Variants in ACOT6 observed in about 807,000 individuals in gnomAD.
ACOT6 encodes acyl-coenzyme A thioesterase 6.
ACOT6 carries 14 observed loss-of-function variants against 12.3 expected under a neutral mutation model. The observed-to-expected ratio is 1.14, with a 90% CI of 0.75 to 1.78. The LOEUF is 1.78. Ranked by LOEUF, ACOT6 falls within the 40% of genes most tolerant of loss-of-function variation. The pLI, the probability that ACOT6 is intolerant of heterozygous loss-of-function variation, is 0.00. For synonymous variants in ACOT6, 218 were observed against 231.3 expected (o/e 0.94, Z 0.52); for missense variants, 523 against 551.8 (o/e 0.95, Z 0.52).
chr14:73,612,908 G>T lies in ACOT6; in HGVS notation c.337G>T (p.Asp113Tyr). ...AVELEVLDGHDTEPGRLLCLA... is the reference protein window; with the variant it reads ...AVELEVLDGHYTEPGRLLCLA... ...GGAGCTGGAAGTGCTGGACGGCCAC[G>T]ACACCGAGCCCGGGCGGCTGCTGTG... Residue 113 changes from aspartate (D) to tyrosine (Y), a missense_variant, in exon 1 of 3, where the codon GAC becomes TAC. This residue lies in a region of ACOT6 where 304 missense variants were observed against 274.8 expected (regional missense o/e 1.11). Coordinates refer to ENST00000645972, the MANE Select transcript of ACOT6 (RefSeq NM_001365788.1). 1 of 1,363,082 alleles carries T rather than the reference G, an allele frequency of 7.3e-7. No homozygotes were observed. Among genetic ancestry groups the T allele is most frequent in the South Asian group, 1.4e-5 (1 of 73,272 alleles). The allele number at this position is 1,363,082 out of a possible 1,614,324, so 84.4% of individuals were successfully genotyped here.
upstream of ACOT6, among the ~76,000 whole-genome samples, chr14:73,611,912 T>A (rs963791977): frequency 6.6e-6 from 1 of 152,104 alleles, no homozygotes; most frequent in Non-Finnish European, 1.5e-5. Flanking sequence ...GTCACCTGAG[T>A]ACAATCACCT....
chr14:73,611,490 T>C (rs1297615415), upstream of ACOT6: 1 of 152,178 alleles, frequency 6.6e-6, no homozygotes, highest in Non-Finnish European at 1.5e-5. Flanking sequence ...GATAGTACCT[T>C]TATAAAACTC....
rs1290763075 is a variant in ACOT6, at chr14:73,613,037, T to TC, written c.461+6dup. On this transcript the variant is annotated splice_donor_region_variant and intron_variant, in intron 1 of 2. Transcript: ENST00000645972. ...GCTCTTCCTGCCGCCGGATGAGTAGTCTGCCCAGAATTTGGTCGAGCTCTG... is the reference window on the plus strand; with the variant it reads ...GCTCTTCCTGCCGCCGGATGAGTAGTCCTGCCCAGAATTTGGTCGAGCTCTG... The TC allele has an allele frequency of 1.3e-6, 1 of 786,818 alleles. No homozygotes were observed. Among genetic ancestry groups the TC allele is most frequent in the Admixed American group, 4.1e-5 (1 of 24,112 alleles). The allele number at this position is 786,818 out of a possible 1,614,324, so 48.7% of individuals were successfully genotyped here.
Position 73,612,576 on chromosome 14 carries a change from C to T in ACOT6, c.5C>T (p.Ala2Val), listed in dbSNP as rs903374986. The T allele has an allele frequency of 4.3e-6, 6 of 1,396,416 alleles. No individual in the cohort carries two copies. In the African/African-American group the frequency reaches 6.0e-5, roughly 14 times the overall value. 86.5% of individuals were successfully genotyped at this position (1,396,416 alleles called of 1,614,324 possible). The change falls in exon 1 of 3, where the codon GCA (alanine) becomes GTA (valine). Residue 2 changes from alanine to valine, a missense_variant. By Grantham distance (64) the Ala-to-Val change is moderately conservative. Transcript: ENST00000645972. M[A>V]ATLILEPAGR... ...CCCTGTTCTACCCAGATTGGGATGG[C>T]AGCGACGCTGATCCTGGAGCCCGCG...
At chr14:73,610,978 C>G (rs530893337), upstream of ACOT6, 1 of 152,326 alleles carries the variant, frequency 6.6e-6, no homozygotes, top group African/African-American at 2.4e-5. Flanking sequence ...AGGCAGCATT[C>G]CTGAGCCTTG....
intron 2 of ACOT6, among the ~76,000 whole-genome samples, chr14:73,617,628 G>A (rs1219022556): frequency 2.0e-5 from 3 of 152,106 alleles, no homozygotes; most frequent in African/African-American, 7.2e-5. Context: ...TCTGAATAAG[G>A]CAGTTACTCT....
In ACOT6 at chr14:73,612,619, C is replaced by T. The variant is rs1890464039; in HGVS notation, c.48C>T (p.Asp16=). 3 of 1,414,020 alleles carry T rather than the reference C, an allele frequency of 2.1e-6. No homozygotes were observed. The highest frequency in any genetic ancestry group is 1.5e-5 in the African/African-American group (1 of 66,946). 87.6% of individuals were successfully genotyped at this position (1,414,020 alleles called of 1,614,324 possible). ...ILEPAGRCCW[D]EPLRIAVRGL... ...AGCCCGCGGGCCGCTGCTGCTGGGA[C>T]GAGCCGCTGCGCATCGCAGTGCGCG... The change falls in exon 1 of 3, where the codon GAC becomes GAT. Residue 16 remains aspartate, a synonymous_variant. Transcript: ENST00000645972.
upstream of ACOT6, among the ~76,000 whole-genome samples, chr14:73,611,202 C>G (rs1362218023): frequency 6.6e-6 from 1 of 152,198 alleles, no homozygotes; most frequent in Admixed American, 6.5e-5. Flanking sequence ...CTGGGCATCA[C>G]TATATGCTCT....
intron 2 of ACOT6, among the ~76,000 whole-genome samples, chr14:73,619,022 C>T (rs555095513): frequency 6.6e-6 from 1 of 151,798 alleles, no homozygotes; most frequent in African/African-American, 2.4e-5. Flanking sequence ...CCCAGCTACT[C>T]GGGAGGCTGA....
rs1890467997 is a variant in ACOT6 at position 73,612,721 on chromosome 14, G to A, written c.150G>A (p.Ala50=). The A allele has an allele frequency of 2.2e-6, 3 of 1,369,918 alleles. No individual in the cohort carries two copies. The highest frequency in any genetic ancestry group is 3.0e-5 in the African/African-American group (2 of 65,642). 84.9% of individuals were successfully genotyped at this position (1,369,918 alleles called of 1,614,324 possible). A position where few individuals can be genotyped will look rare whatever the true frequency, so the allele number is the denominator to read the frequency against. Residue 50 remains alanine (A), a synonymous_variant, in exon 1 of 3, where the codon GCG becomes GCA. Transcript: ENST00000645972. ...AGGGCGCGCTCTTCCGGGCCCACGC[G>A]CGCTACCGTGCCGACGCCCGCGACG... The part of the protein sequence containing the change: ...DEEGALFRAH[A]RYRADARDEL...
At chr14:73,619,055 G>T (rs899281989) in intron 2 of ACOT6, among the ~76,000 whole-genome samples, 179 bp from the exon 3 acceptor site, 1 of 152,088 alleles carries the variant, frequency 6.6e-6, no homozygotes, top group Middle Eastern at 3.2e-3. Context: ...GCTTGAACCC[G>T]GGAGGTGGAG....
chr14:73,612,676 C>T lies in ACOT6; in HGVS notation c.105C>T (p.Arg35=). 1 of 1,411,052 alleles carries T rather than the reference C, an allele frequency of 7.1e-7. No homozygotes were observed. Among genetic ancestry groups the T allele is most frequent in the South Asian group, 1.5e-5 (1 of 67,024 alleles). 87.4% of individuals were successfully genotyped at this position (1,411,052 alleles called of 1,614,324 possible). ...CCCCGGAGCAGCCAGTCACGCTGCG[C>T]ACGTCCCTGCGCGACGAAGAGGGCG... The part of the protein sequence containing the change: ...GLAPEQPVTL[R]TSLRDEEGAL... Residue 35 remains arginine, a synonymous_variant, in exon 1 of 3, where the codon CGC becomes CGT. Coordinates refer to ENST00000645972, the MANE Select transcript of ACOT6 (RefSeq NM_001365788.1).
At chr14:73,611,875 C>T (rs1392848961), upstream of ACOT6, among the ~76,000 whole-genome samples, 2 of 152,060 alleles carry the variant, frequency 1.3e-5, no homozygotes, top group South Asian at 2.1e-4. Flanking sequence ...GGGTAAAGGA[C>T]GGATTACGAC....
Position 73,612,847 on chromosome 14 carries a change from G to A in ACOT6, c.276G>A (p.Arg92=), listed in dbSNP as rs1289176985. 3 of 1,420,394 alleles carry A rather than the reference G, an allele frequency of 2.1e-6. No individual in the cohort carries two copies. The highest frequency in any genetic ancestry group is 2.8e-6 in the Non-Finnish European group (3 of 1,066,126). 88.0% of individuals were successfully genotyped at this position (1,420,394 alleles called of 1,614,324 possible). Residue 92 remains arginine, a synonymous_variant, in exon 1 of 3, where the codon CGG becomes CGA. Transcript: ENST00000645972. ...TGGAGCCCGAGAAAGCCTTGGTGCG[G>A]CTGGTGAAGCGCGACGTGCGGACGC... The part of the protein sequence containing the change: ...WALEPEKALV[R]LVKRDVRTPF...
In ACOT6 at chr14:73,612,777, GA is replaced by G; in HGVS notation, c.207del (p.Gly70AlafsTer25). ...GACCTGGAGCGCGCGCCCGCGCTGG[GA>G]GGCAGCTTCGCGGGGCTCCAGCCCA... ...ELDLERAPAL[G>X]GSFAGLQPMG... On this transcript the variant is annotated frameshift_variant, in exon 1 of 3. Transcript: ENST00000645972. LOFTEE classifies it high-confidence loss of function. The G allele has an allele frequency of 7.3e-7, 1 of 1,370,990 alleles. No individual in the cohort carries two copies. The highest frequency in any genetic ancestry group is 1.7e-5 in the South Asian group (1 of 58,508). 84.9% of individuals were successfully genotyped at this position (1,370,990 alleles called of 1,614,324 possible). A position where few individuals can be genotyped will look rare whatever the true frequency, so the allele number is the denominator to read the frequency against.
rs115185879 is a variant in ACOT6 at position 73,613,044 on chromosome 14, A to G, written c.461+12A>G. The G allele has an allele frequency of 4.0e-3, 3,047 of 752,506 alleles. 77 individuals are homozygous for G. In the African/African-American group the frequency reaches 0.051, roughly 13 times the overall value. 46.6% of individuals were successfully genotyped at this position (752,506 alleles called of 1,614,324 possible). A position where few individuals can be genotyped will look rare whatever the true frequency, so the allele number is the denominator to read the frequency against. On this transcript the variant is annotated intron_variant, in intron 1 of 2. Coordinates refer to ENST00000645972, the MANE Select transcript of ACOT6 (RefSeq NM_001365788.1). ...CTGCCGCCGGATGAGTAGTCTGCCCAGAATTTGGTCGAGCTCTGCGACCCC... is the reference window on the plus strand; with the variant it reads ...CTGCCGCCGGATGAGTAGTCTGCCCGGAATTTGGTCGAGCTCTGCGACCCC...
rs112589258 is a variant in ACOT6 at position 73,619,710 on chromosome 14, T to G, written c.1137T>G (p.Gly379=). ...PSRASVHAVL[G]EAIFYGGEPK... ...GAGCTTCTGTGCACGCTGTTTTGGG[T>G]GAGGCAATATTCTATGGAGGTGAGC... Residue 379 remains glycine, a synonymous_variant, in exon 3 of 3, where the codon GGT becomes GGG. Transcript: ENST00000645972. 3.7e-6 allele frequency: 6 copies of G among 1,614,176 alleles called. No homozygotes were observed. Among genetic ancestry groups the G allele is most frequent in the Non-Finnish European group, 4.2e-6 (5 of 1,180,032 alleles).
chr14:73,612,943 G>C lies in ACOT6; in HGVS notation c.372G>C (p.Gln124His). Residue 124 changes from glutamine (Q) to histidine (H), a missense_variant, in exon 1 of 3, where the codon CAG becomes CAC. Physicochemically the swap from Gln to His is conservative, Grantham distance 24. Coordinates refer to ENST00000645972, the MANE Select transcript of ACOT6 (RefSeq NM_001365788.1). ...CCGGGCGGCTGCTGTGCCTGGCGCAGAACAAGCGCGACTTTCTCCGGCCGG... is the reference window on the plus strand; with the variant it reads ...CCGGGCGGCTGCTGTGCCTGGCGCACAACAAGCGCGACTTTCTCCGGCCGG... ...TEPGRLLCLA[Q>H]NKRDFLRPGV... 3 of 1,290,988 alleles carry C rather than the reference G, an allele frequency of 2.3e-6. No individual in the cohort carries two copies. The highest frequency in any genetic ancestry group is 3.1e-6 in the Non-Finnish European group (3 of 972,090). 80.0% of individuals were successfully genotyped at this position (1,290,988 alleles called of 1,614,324 possible).
At chr14:73,614,361 C>T (rs1890498220) in intron 1 of ACOT6, among the ~76,000 whole-genome samples, 1 of 152,134 alleles carries the variant, frequency 6.6e-6, no homozygotes, top group Admixed American at 6.6e-5. Context: ...ACTGTGAATT[C>T]CTGGGGCTGG....
Sources: gnomAD v4.1 joint callset for allele counts (sites outside exome capture counted in the v4.1 genomes callset) on GRCh38, gnomAD v4.1.1 for gene constraint, gnomAD v4.1.1 regional missense constraint, MANE v1.5 for transcripts, NCBI Gene and HGNC (gene_info 2026-07-23, HGNC 2026-07-21) for gene names.